Variants in MARCHF11 observed in about 807,000 individuals in gnomAD.
MARCHF11 encodes the protein membrane associated ring-CH-type finger 11.
In MARCHF11, 29 loss-of-function variants were observed where a neutral mutation model predicts 37.3. That is an observed-to-expected ratio of 0.78 (90% CI 0.58 to 1.06). The LOEUF (loss-of-function observed/expected upper bound fraction) is 1.06. Among genes scored for constraint, MARCHF11 ranks in the 50% least tolerant of loss-of-function variants. The pLI is 0.00. For synonymous variants in MARCHF11, 233 were observed against 228.0 expected (o/e 1.02, Z -0.20); for missense variants, 482 against 533.4 (o/e 0.90, Z 0.95).
rs574316581 is a variant in MARCHF11, at chr5:16,092,888, G to A, written c.694-1807C>T. 4.6e-5 allele frequency among the ~76,000 whole-genome samples: 7 copies of A among 152,172 alleles called. No homozygotes were observed. In the South Asian group the frequency reaches 1.5e-3, roughly 32 times the overall value. On this transcript the variant is annotated intron_variant, in intron 2 of 3. Coordinates refer to ENST00000332432, the MANE Select transcript of MARCHF11 (RefSeq NM_001102562.3). Reference sequence around the variant, plus strand: ...AAGTACATTTATTCCAAACTGCCAGGCCTTCATATCTTTAACCATTTTAAA... The same window carrying A: ...AAGTACATTTATTCCAAACTGCCAGACCTTCATATCTTTAACCATTTTAAA...
chr5:16,155,049 A>G lies in MARCHF11; in HGVS notation c.693+22677T>C, dbSNP rs139799260. On this transcript the variant is annotated intron_variant, in intron 2 of 3. Coordinates refer to ENST00000332432, the MANE Select transcript of MARCHF11 (RefSeq NM_001102562.3). ...GGGTTTGACACATCATTTTTATTAC[A>G]GAGGAAAATGAGAAACTATCTAATG... Among the ~76,000 whole-genome samples the G allele has an allele frequency of 2.2e-4, 34 of 152,004 alleles. 1 individual carries two copies. The East Asian group carries it at 6.0e-3, about 27-fold the overall frequency.
At chr5:16,157,039 T>G (rs1033981713) in intron 2 of MARCHF11, among the ~76,000 whole-genome samples, 1 of 151,912 alleles carries the variant, frequency 6.6e-6, no homozygotes, top group African/African-American at 2.4e-5. Flanking sequence ...GTTTAACTGC[T>G]AAAAACATGT....
intron 2 of MARCHF11, among the ~76,000 whole-genome samples, chr5:16,160,861 C>G (rs1395754942): frequency 1.3e-5 from 2 of 151,848 alleles, no homozygotes; most frequent in African/African-American, 4.8e-5. Context: ...CCTAATGGAG[C>G]TCTGTGCACT....
intron 2 of MARCHF11, among the ~76,000 whole-genome samples, chr5:16,161,373 C>A (rs181126796): frequency 1.3e-5 from 2 of 151,786 alleles, no homozygotes; most frequent in African/African-American, 4.8e-5. Context: ...AAATGACCAT[C>A]GCTTTTCTCC....
At chr5:16,149,090 A>G (rs1737849971) in intron 2 of MARCHF11, among the ~76,000 whole-genome samples, 1 of 152,096 alleles carries the variant, frequency 6.6e-6, no homozygotes, top group Admixed American at 6.6e-5. Context: ...CTTTATGCTC[A>G]AACTATACAG....
intron 2 of MARCHF11, among the ~76,000 whole-genome samples, chr5:16,157,734 A>G (rs548074795): frequency 1.3e-5 from 2 of 152,096 alleles, no homozygotes; most frequent in African/African-American, 4.8e-5. Flanking sequence ...TAAACCTGCT[A>G]GAAGAAAACA....
intron 2 of MARCHF11, among the ~76,000 whole-genome samples, chr5:16,094,850 T>C (rs1736840042): frequency 6.6e-6 from 1 of 152,202 alleles, no homozygotes; most frequent in African/African-American, 2.4e-5. Context: ...TGTACAGGAC[T>C]GATACAGGCC....
intron 2 of MARCHF11, among the ~76,000 whole-genome samples, chr5:16,113,812 A>C (rs1375696281): frequency 1.3e-5 from 2 of 152,174 alleles, no homozygotes; most frequent in Non-Finnish European, 2.9e-5. Context: ...TCTATTTTGA[A>C]ATATACAATA....
intron 3 of MARCHF11, among the ~76,000 whole-genome samples, chr5:16,083,111 A>G (rs1257623504): frequency 6.6e-6 from 1 of 152,110 alleles, no homozygotes; most frequent in Non-Finnish European, 1.5e-5. Context: ...AATTGATGAC[A>G]CTTTTGAATG....
intron 3 of MARCHF11, among the ~76,000 whole-genome samples, chr5:16,077,991 G>A (rs1041918622): frequency 7.2e-5 from 11 of 152,236 alleles, no homozygotes; most frequent in South Asian, 4.1e-4. Flanking sequence ...ATTTAAAAAG[G>A]TATTTACTCC....
At chr5:16,139,092 A>T (rs11955053) in intron 2 of MARCHF11, among the ~76,000 whole-genome samples, 4,909 of 152,204 alleles carry the variant, frequency 0.032, 286 homozygotes, top group African/African-American at 0.11. Context: ...AGGACATGAG[A>T]TTTGGGAAGG....
chr5:16,151,281 A>G (rs1260664744), intron 2 of MARCHF11, among the ~76,000 whole-genome samples: 1 of 152,046 alleles, frequency 6.6e-6, no homozygotes, highest in Non-Finnish European at 1.5e-5. Flanking sequence ...ATGGATGAGC[A>G]TTTAGGTCTT....
At chr5:16,166,966 GTTCATTTACTTA>G (rs2126607695) in intron 2 of MARCHF11, among the ~76,000 whole-genome samples, 1 of 3,356 alleles carries the variant, frequency 3.0e-4, no homozygotes, top group South Asian at 0.033. Flanking sequence ...GTACAACGAT[GTTCATTTACTTA>G]TGAACATACA....
rs975734206 is a variant in MARCHF11, at chr5:16,119,928, G to A, written c.694-28847C>T. The stretch of plus-strand genomic sequence containing the variant: ...CATTACTAAATAACCCTTCACAAAC[G>A]AATTCCCATAGGCTTTATGTCTGTA... On this transcript the variant is annotated intron_variant, in intron 2 of 3. Coordinates refer to ENST00000332432, the MANE Select transcript of MARCHF11 (RefSeq NM_001102562.3). Among the ~76,000 whole-genome samples the A allele has an allele frequency of 3.9e-5, 6 of 152,140 alleles. No homozygotes were observed. The East Asian group carries it at 9.6e-4, about 24-fold the overall frequency.
At chr5:16,164,941 T>G (rs1259446614) in intron 2 of MARCHF11, among the ~76,000 whole-genome samples, 1 of 152,068 alleles carries the variant, frequency 6.6e-6, no homozygotes, top group African/African-American at 2.4e-5. Flanking sequence ...ATTACTATGT[T>G]ATTTCTCTAC....
intron 3 of MARCHF11, among the ~76,000 whole-genome samples, chr5:16,078,396 C>G (rs1315005462): frequency 6.6e-6 from 1 of 152,078 alleles, no homozygotes; most frequent in African/African-American, 2.4e-5. Context: ...ACTGGAGATG[C>G]ATTTTTAAAA....
chr5:16,149,030 C>A (rs1013438214), intron 2 of MARCHF11, among the ~76,000 whole-genome samples: 10 of 152,080 alleles, frequency 6.6e-5, no homozygotes, highest in Non-Finnish European at 1.5e-4. Context: ...TTTGACTGGT[C>A]AATCTGTAGA....
At chr5:16,129,996 A>AT (rs895828047) in intron 2 of MARCHF11, among the ~76,000 whole-genome samples, 35 of 152,274 alleles carry the variant, frequency 2.3e-4, no homozygotes, top group South Asian at 2.1e-3. Context: ...CATCTCTTCC[A>AT]TTTTTAACAT....
intron 2 of MARCHF11, among the ~76,000 whole-genome samples, chr5:16,137,093 T>C (rs1464262823): frequency 6.6e-6 from 1 of 152,190 alleles, no homozygotes; most frequent in Non-Finnish European, 1.5e-5. Context: ...ACATCTATTA[T>C]GTAACTAAGC....
Sources: allele counts gnomAD v4.1 joint callset (sites outside exome capture counted in the v4.1 genomes callset), GRCh38; gene constraint gnomAD v4.1.1; transcripts MANE v1.5; gene names NCBI Gene and HGNC (gene_info 2026-07-23, HGNC 2026-07-21).